The following KCNQ1 variants were observed in gnomAD, a reference collection of about 807,000 sequenced individuals.
KCNQ1 encodes the protein potassium voltage-gated channel subfamily Q member 1.
KCNQ1 carries 49 observed loss-of-function variants against 72.4 expected under a neutral mutation model. The observed-to-expected ratio is 0.68, with a 90% confidence interval of 0.54 to 0.86. The LOEUF (loss-of-function observed/expected upper bound fraction) is 0.86. Among genes scored for constraint, KCNQ1 ranks in the 40% least tolerant of loss-of-function variants. KCNQ1 has a pLI of 0.00. For missense variants in KCNQ1, 790 were observed against 945.1 expected (o/e 0.84, Z 2.15); for synonymous variants, 450 against 412.6 (o/e 1.09, Z -1.10).
chr11:2,518,737 C>T (rs1232995026), intron 1 of KCNQ1, among the ~76,000 whole-genome samples: 1 of 152,190 alleles, frequency 6.6e-6, no homozygotes, highest in African/African-American at 2.4e-5. Context: ...CACACCAAGT[C>T]ACCCATTGTT....
chr11:2,610,126 C>G (rs1456355984), intron 10 of KCNQ1: 1 of 397,826 alleles, frequency 2.5e-6, no homozygotes, highest in Non-Finnish European at 4.4e-6. Context: ...CTAGTGACTA[C>G]TTTCTAATAT....
At chr11:2,705,747 A>T (rs1850899623) in intron 11 of KCNQ1, among the ~76,000 whole-genome samples, 1 of 152,210 alleles carries the variant, frequency 6.6e-6, no homozygotes. Context: ...TTATCTCTTG[A>T]GTCCTGGGAG....
intron 2 of KCNQ1, among the ~76,000 whole-genome samples, chr11:2,556,351 G>A (rs556714307): frequency 6.6e-6 from 1 of 152,182 alleles, no homozygotes; most frequent in African/African-American, 2.4e-5. Context: ...TTTGCGGGGC[G>A]GGGGACACAG....
In KCNQ1 at chr11:2,445,350, G is replaced by T. The variant is rs1316349288; in HGVS notation, c.252G>T (p.Pro84=). ...PVASDLGPRP[P]VSLDPRVSIY... ...CCTCCGACCTTGGCCCGCGGCCGCC[G>T]GTGAGCCTAGACCCGCGCGTCTCCA... Residue 84 remains proline (P), a synonymous_variant, in exon 1 of 16, where the codon CCG becomes CCT. Transcript: ENST00000155840. 1 of 1,594,620 alleles carries T rather than the reference G, an allele frequency of 6.3e-7. No homozygotes were observed. The highest frequency in any genetic ancestry group is 8.5e-7 in the Non-Finnish European group (1 of 1,178,062).
Position 2,654,019 on chromosome 11 carries a change from A to T in KCNQ1, c.1394-7942A>T. On this transcript the variant is annotated intron_variant, in intron 10 of 15. Coordinates refer to ENST00000155840, the MANE Select transcript of KCNQ1 (RefSeq NM_000218.3). This position sits in a 1 kb window ranked among gnomAD's most constrained non-coding sequence, Gnocchi z 6.4. ...GTGCCAGCTGTGAATATACATTTTCACTCCATTCCTCGCCTTGTTCCTGGC... is the reference window on the plus strand; with the variant it reads ...GTGCCAGCTGTGAATATACATTTTCTCTCCATTCCTCGCCTTGTTCCTGGC... 2.5e-6 allele frequency: 1 copy of T among 398,564 alleles called. No individual in the cohort carries two copies. 24.7% of individuals were successfully genotyped at this position (398,564 alleles called of 1,614,324 possible). A position where few individuals can be genotyped will look rare whatever the true frequency, so the allele number is the denominator to read the frequency against.
chr11:2,448,556 A>C (rs2133564733), intron 1 of KCNQ1, among the ~76,000 whole-genome samples: 1 of 152,350 alleles, frequency 6.6e-6, no homozygotes, highest in South Asian at 2.1e-4. Flanking sequence ...AGTCTGAAGC[A>C]GCTGCTGGGC....
At chr11:2,622,701 T>A (rs891395952) in intron 10 of KCNQ1, 18 of 398,530 alleles carry the variant, frequency 4.5e-5, no homozygotes, top group Non-Finnish European at 7.1e-5. Flanking sequence ...TCTGTATGTG[T>A]GTATGTGTAT....
At chr11:2,845,300 T>TG (rs1179255177) in intron 15 of KCNQ1, among the ~76,000 whole-genome samples, 1 of 152,036 alleles carries the variant, frequency 6.6e-6, no homozygotes, top group Non-Finnish European at 1.5e-5. Context: ...GATGGAGCCT[T>TG]GGGGTGGGAG....
At chr11:2,837,045 G>C (rs1848079589) in intron 15 of KCNQ1, among the ~76,000 whole-genome samples, 1 of 152,208 alleles carries the variant, frequency 6.6e-6, no homozygotes, top group Non-Finnish European at 1.5e-5. Flanking sequence ...CGTGGGCTGG[G>C]GGCACGGGGC....
intron 11 of KCNQ1, among the ~76,000 whole-genome samples, chr11:2,722,102 G>C (rs1162606600): frequency 6.6e-6 from 1 of 152,122 alleles, no homozygotes; most frequent in African/African-American, 2.4e-5. Context: ...GTCCTGGCAG[G>C]CACAGGGTAT....
rs576351880 is a variant in KCNQ1 at position 2,723,826 on chromosome 11, C to T, written c.1515-45018C>T. ...ACATGTACTCCAGCCTCTCTGTGTCCCATTTGCTCATGACATGGTGGTCAA... is the reference window on the plus strand; with the variant it reads ...ACATGTACTCCAGCCTCTCTGTGTCTCATTTGCTCATGACATGGTGGTCAA... On this transcript the variant is annotated intron_variant, in intron 11 of 15. Coordinates refer to ENST00000155840, the MANE Select transcript of KCNQ1 (RefSeq NM_000218.3). This position sits in a 1 kb window ranked among gnomAD's most constrained non-coding sequence, Gnocchi z 4.2. 6.6e-6 allele frequency among the ~76,000 whole-genome samples: 1 copy of T among 152,324 alleles called. No individual in the cohort carries two copies. The highest frequency in any genetic ancestry group is 1.9e-4 in the East Asian group (1 of 5,184).
intron 11 of KCNQ1, among the ~76,000 whole-genome samples, chr11:2,716,027 C>T (rs997017160): frequency 6.6e-6 from 1 of 152,204 alleles, no homozygotes; most frequent in Non-Finnish European, 1.5e-5. Flanking sequence ...TGCCTTTGAC[C>T]TCTCATGCAC....
intron 1 of KCNQ1, among the ~76,000 whole-genome samples, chr11:2,496,736 CT>C (rs1846928324): frequency 6.6e-6 from 1 of 151,948 alleles, no homozygotes; most frequent in Non-Finnish European, 1.5e-5. Flanking sequence ...ATGATGCTAG[CT>C]GGTTATTCTG....
rs142317700 is a variant in KCNQ1, at chr11:2,668,082, C to T, written c.1514+6001C>T. ...TGCGGTGGGAATGATGCAACTCATA[C>T]ACCTTTGTGTCCAATGTCCCTCACT... is the stretch of plus-strand genomic sequence containing the variant. On this transcript the variant is annotated intron_variant, in intron 11 of 15. Transcript: ENST00000155840. This position sits in a 1 kb window ranked among gnomAD's most constrained non-coding sequence, Gnocchi z 4.3. 1.8e-5 allele frequency: 7 copies of T among 398,602 alleles called. No homozygotes were observed. The highest frequency in any genetic ancestry group is 1.2e-4 in the African/African-American group (6 of 48,738). 24.7% of individuals were successfully genotyped at this position (398,602 alleles called of 1,614,324 possible). A position where few individuals can be genotyped will look rare whatever the true frequency, so the allele number is the denominator to read the frequency against.
chr11:2,681,642 C>T, intron 11 of KCNQ1: 1 of 346,724 alleles, frequency 2.9e-6, no homozygotes, highest in Admixed American at 4.9e-5. Flanking sequence ...CAACCTATCT[C>T]TCCCTCTCTC....
chr11:2,575,503 G>A (rs751165532), intron 6 of KCNQ1, among the ~76,000 whole-genome samples: 7 of 152,212 alleles, frequency 4.6e-5, no homozygotes, highest in African/African-American at 1.2e-4. Flanking sequence ...CTTGAGAAAC[G>A]CAAGAAGGGG....
At chr11:2,585,439 C>T (rs1253925975) in intron 8 of KCNQ1, 132 bp downstream of exon 8, 13 of 820,174 alleles carry the variant, frequency 1.6e-5, no homozygotes, top group South Asian at 1.1e-4. Context: ...GCATACTCTG[C>T]TTGTGGAAGC....
intron 15 of KCNQ1, among the ~76,000 whole-genome samples, chr11:2,844,685 C>G (rs1169940141): frequency 6.6e-6 from 1 of 152,240 alleles, no homozygotes; most frequent in Non-Finnish European, 1.5e-5. Context: ...GCCTGCGGCC[C>G]TGACACCCAC....
intron 1 of KCNQ1, among the ~76,000 whole-genome samples, chr11:2,465,475 T>G (rs1589894885): frequency 6.6e-6 from 1 of 152,340 alleles, no homozygotes; most frequent in East Asian, 1.9e-4. Flanking sequence ...GGGCTGAGAC[T>G]CCTCTGAGCT....
Sources: allele counts gnomAD v4.1 joint callset (sites outside exome capture counted in the v4.1 genomes callset), GRCh38; gene constraint gnomAD v4.1.1; non-coding constraint Gnocchi (gnomAD v3.1); transcripts MANE v1.5; gene names NCBI Gene and HGNC (gene_info 2026-07-23, HGNC 2026-07-21).